The following LRP1B variants were observed in gnomAD, a reference collection of about 807,000 sequenced individuals.
LRP1B encodes the protein low-density lipoprotein receptor-related protein 1B.
In LRP1B, 217 loss-of-function variants were observed where a neutral mutation model predicts 556.6. That is an observed-to-expected ratio of 0.39 (90% CI 0.35 to 0.44). The LOEUF (loss-of-function observed/expected upper bound fraction) is 0.44, where lower values mean the gene tolerates loss of function less well. Among genes scored for constraint, LRP1B ranks in the 20% least tolerant of loss-of-function variants. The probability of loss-of-function intolerance (pLI) is 1.00; values close to 1 mark genes in which losing one functional copy is unlikely to be tolerated. For missense variants in LRP1B, 5,053 were observed against 5,620.8 expected (o/e 0.90, Z 3.23); for synonymous variants, 2,047 against 1,865.8 (o/e 1.10, Z -2.50).
chr2:142,005,450 C>A lies in LRP1B; in HGVS notation c.82+125198G>T, dbSNP rs140433727. On this transcript the variant is annotated intron_variant, in intron 1 of 90. Transcript: ENST00000389484. ...ATTACCAGTTGATAGTTTCAACTTA[C>A]TCTACTTTTATTGGCAGTATACATA... is the stretch of plus-strand genomic sequence containing the variant. Among the ~76,000 whole-genome samples the A allele has an allele frequency of 2.2e-3, 329 of 152,218 alleles. 1 individual carries two copies. Among genetic ancestry groups the A allele is most frequent in the Middle Eastern group, 0.014 (4 of 294 alleles).
chr2:141,878,413 A>T (rs1435593), intron 1 of LRP1B, among the ~76,000 whole-genome samples: 56,329 of 151,730 alleles, frequency 0.37, 11,104 homozygotes, highest in Admixed American at 0.47. Context: ...ACACAAACTC[A>T]AGAGCAATTG....
At chr2:140,421,660 G>A (rs1685450001) in intron 66 of LRP1B, among the ~76,000 whole-genome samples, 1 of 152,160 alleles carries the variant, frequency 6.6e-6, no homozygotes, top group Admixed American at 6.5e-5. Flanking sequence ...TCAAGAAATA[G>A]ACAAAGCATA....
Position 140,951,722 on chromosome 2 carries a change from C to T in LRP1B, c.2968+138G>A, listed in dbSNP as rs1414337275. On this transcript the variant is annotated intron_variant, in intron 19 of 90. Transcript: ENST00000389484. ...ATTCCCACTGATGTGCTGCTAGCTG[C>T]CCGCTCACCACTTGTTTTAGCCGTT... 6.4e-6 allele frequency: 4 copies of T among 625,434 alleles called. No individual in the cohort carries two copies. The Admixed American group carries it at 1.2e-4, about 19-fold the overall frequency. 38.7% of individuals were successfully genotyped at this position (625,434 alleles called of 1,614,324 possible).
intron 41 of LRP1B, among the ~76,000 whole-genome samples, chr2:140,621,952 C>T (rs766082800): frequency 2.0e-5 from 3 of 152,142 alleles, no homozygotes; most frequent in African/African-American, 4.8e-5. Flanking sequence ...ATTCAGCACC[C>T]GGAAGAAATC....
intron 3 of LRP1B, among the ~76,000 whole-genome samples, chr2:141,286,970 G>A (rs1177377233): frequency 6.6e-6 from 1 of 152,118 alleles, no homozygotes; most frequent in Admixed American, 6.6e-5. Flanking sequence ...TTTAATTTTA[G>A]TTAATTTAAA....
intron 2 of LRP1B, among the ~76,000 whole-genome samples, chr2:141,757,889 A>ATTAGGCAATTT: frequency 6.6e-6 from 1 of 151,498 alleles, no homozygotes; most frequent in Non-Finnish European, 1.5e-5. Context: ...CCCATAGCTT[A>ATTAGGCAATTT]TTAATTCAGC....
intron 1 of LRP1B, among the ~76,000 whole-genome samples, chr2:142,053,756 A>G (rs1704556465): frequency 6.6e-6 from 1 of 152,168 alleles, no homozygotes; most frequent in African/African-American, 2.4e-5. Context: ...TTACTGACTT[A>G]TCTTTGGCAA....
chr2:141,653,213 G>A (rs1241816927), intron 2 of LRP1B, among the ~76,000 whole-genome samples: 3 of 152,108 alleles, frequency 2.0e-5, no homozygotes, highest in Non-Finnish European at 4.4e-5. Flanking sequence ...AGCTTGGTGA[G>A]GACATGGCTG....
intron 3 of LRP1B, among the ~76,000 whole-genome samples, chr2:141,343,008 C>T (rs1007879828): frequency 1.3e-5 from 2 of 152,082 alleles, no homozygotes; most frequent in Non-Finnish European, 1.5e-5. Flanking sequence ...GAAGCCCATC[C>T]GACTAACAGA....
At chr2:141,957,834 A>G (rs980462918) in intron 1 of LRP1B, among the ~76,000 whole-genome samples, 1 of 152,116 alleles carries the variant, frequency 6.6e-6, no homozygotes, top group Non-Finnish European at 1.5e-5. Context: ...AGCACAGATC[A>G]TCTTTCACAT....
chr2:140,538,701 C>T (rs1210052439), intron 45 of LRP1B, among the ~76,000 whole-genome samples: 1 of 151,952 alleles, frequency 6.6e-6, no homozygotes, highest in African/African-American at 2.4e-5. Flanking sequence ...GCTAATATTG[C>T]TAAATGCAAT....
rs80267423 is a variant in LRP1B at position 141,469,055 on chromosome 2, C to T, written c.343+11341G>A. On this transcript the variant is annotated intron_variant, in intron 3 of 90. Coordinates refer to ENST00000389484, the MANE Select transcript of LRP1B (RefSeq NM_018557.3). Reference sequence around the variant, plus strand: ...TTGGTTTCAAGATTTTTCTTAATCGCAAGCCTAATGGAAAGCTAGAACACA... The same window carrying T: ...TTGGTTTCAAGATTTTTCTTAATCGTAAGCCTAATGGAAAGCTAGAACACA... 2.9e-3 allele frequency among the ~76,000 whole-genome samples: 443 copies of T among 152,224 alleles called. 3 individuals are homozygous for T. The highest frequency in any genetic ancestry group is 0.01 in the African/African-American group (431 of 41,530).
intron 66 of LRP1B, among the ~76,000 whole-genome samples, chr2:140,407,017 A>C (rs1322950532): frequency 6.6e-6 from 1 of 152,048 alleles, no homozygotes; most frequent in Non-Finnish European, 1.5e-5. Context: ...GAACAGAACA[A>C]AGAATCCAAA....
At chr2:141,519,314 G>GA (rs1199906045) in intron 2 of LRP1B, among the ~76,000 whole-genome samples, 3 of 140,958 alleles carry the variant, frequency 2.1e-5, no homozygotes, top group Admixed American at 7.4e-5. Context: ...GGCCATGATA[G>GA]AAAAAAGTGG....
intron 15 of LRP1B, among the ~76,000 whole-genome samples, chr2:140,997,023 A>G (rs995527750): frequency 2.0e-5 from 3 of 152,016 alleles, no homozygotes; most frequent in Non-Finnish European, 4.4e-5. Flanking sequence ...TGAACTATGT[A>G]TTTGAAAACT....
chr2:141,880,004 A>G (rs1449012008), intron 1 of LRP1B, among the ~76,000 whole-genome samples: 1 of 151,714 alleles, frequency 6.6e-6, no homozygotes, highest in Non-Finnish European at 1.5e-5. Context: ...TTGCCTTAAA[A>G]TTCTATACCC....
At chr2:140,510,195 A>T in intron 51 of LRP1B, 139 bp from the exon 52 acceptor site, 1 of 821,708 alleles carries the variant, frequency 1.2e-6, no homozygotes, top group East Asian at 2.7e-5. Context: ...GGGAATCATT[A>T]AACATCATTC....
At chr2:141,115,581 C>G (rs1217073305) in intron 7 of LRP1B, among the ~76,000 whole-genome samples, 1 of 151,086 alleles carries the variant, frequency 6.6e-6, no homozygotes, top group Non-Finnish European at 1.5e-5. Flanking sequence ...CTCAGCCTAC[C>G]GAGTAGCTGG....
At chr2:142,101,383 A>G (rs1706562748) in intron 1 of LRP1B, among the ~76,000 whole-genome samples, 1 of 152,066 alleles carries the variant, frequency 6.6e-6, no homozygotes, top group Non-Finnish European at 1.5e-5. Context: ...CTTAATAAAA[A>G]TGGAATATAA....
Sources: gnomAD v4.1 joint callset for allele counts (sites outside exome capture counted in the v4.1 genomes callset) on GRCh38, gnomAD v4.1.1 for gene constraint, MANE v1.5 for transcripts, NCBI Gene and HGNC (gene_info 2026-07-23, HGNC 2026-07-21) for gene names.